RBFOX1: variants seen among roughly 807,000 people sequenced by gnomAD.
The protein encoded by RBFOX1 is RNA binding fox-1 homolog 1.
RBFOX1 carries 8 observed loss-of-function variants against 57.7 expected under a neutral mutation model. That is an observed-to-expected ratio of 0.14 (90% CI 0.08 to 0.25). RBFOX1 has a LOEUF of 0.25. Among genes scored for constraint, RBFOX1 ranks in the 10% least tolerant of loss-of-function variants. The probability of loss-of-function intolerance (pLI) is 1.00; values close to 1 mark genes in which losing one functional copy is unlikely to be tolerated. For synonymous variants in RBFOX1, 326 were observed against 222.4 expected (o/e 1.47, Z -4.15); for missense variants, 611 against 548.5 (o/e 1.11, Z -1.14).
At chr16:6,025,325 C>G (rs2095169277) in intron 1 of RBFOX1, among the ~76,000 whole-genome samples, 1 of 152,182 alleles carries the variant, frequency 6.6e-6, no homozygotes, top group African/African-American at 2.4e-5. Context: ...CTTCGTAGGG[C>G]TTACACTAAA....
At chr16:5,282,881 GT>G (rs1248575370) in intron 1 of RBFOX1, among the ~76,000 whole-genome samples, 2 of 152,228 alleles carry the variant, frequency 1.3e-5, no homozygotes, top group Non-Finnish European at 2.9e-5. Context: ...GAGGAGCCAA[GT>G]GTGAATCCCC....
chr16:7,668,125 G>T (rs751763798), intron 13 of RBFOX1, among the ~76,000 whole-genome samples: 3 of 152,170 alleles, frequency 2.0e-5, no homozygotes, highest in South Asian at 2.1e-4. Context: ...TCAACAGCTT[G>T]CATCTCAGAA....
chr16:7,515,515 T>A (rs2076170739), intron 4 of RBFOX1, among the ~76,000 whole-genome samples: 1 of 152,174 alleles, frequency 6.6e-6, no homozygotes, highest in East Asian at 1.9e-4. Flanking sequence ...ATGGAGATCA[T>A]GTAGAAGTGA....
intron 1 of RBFOX1, among the ~76,000 whole-genome samples, chr16:6,121,595 G>A (rs550593592): frequency 5.9e-5 from 9 of 151,976 alleles, no homozygotes; most frequent in Non-Finnish European, 1.3e-4. Context: ...CTTGTCTAAG[G>A]GAGCATTCCT....
At chr16:6,371,761 C>A (rs1299842885) in intron 2 of RBFOX1, among the ~76,000 whole-genome samples, 1 of 152,132 alleles carries the variant, frequency 6.6e-6, no homozygotes, top group Non-Finnish European at 1.5e-5. Context: ...CATGCACATA[C>A]ACATGTATAT....
At position 6,699,181 on chromosome 16, in the gene RBFOX1, A is replaced by G. The variant is rs112566581; in HGVS notation, c.-16+44531A>G. Among the ~76,000 whole-genome samples, 441 of 152,198 alleles carry G rather than the reference A, an allele frequency of 2.9e-3. 3 individuals are homozygous for G. The highest frequency in any genetic ancestry group is 0.01 in the African/African-American group (421 of 41,524). ...CCCCTGTCATGTCAGTTTTTAAACCATTTTTATCAGTATGCAAGGCAGCAT... is the reference window on the plus strand; with the variant it reads ...CCCCTGTCATGTCAGTTTTTAAACCGTTTTTATCAGTATGCAAGGCAGCAT... On this transcript the variant is annotated intron_variant, in intron 3 of 15. Transcript: ENST00000550418.
At chr16:7,063,157 C>T (rs1043683955) in intron 4 of RBFOX1, among the ~76,000 whole-genome samples, 12 of 151,936 alleles carry the variant, frequency 7.9e-5, no homozygotes, top group East Asian at 3.9e-4. Flanking sequence ...TTAGGGCACA[C>T]GCAGGGCTAG....
At chr16:6,311,295 CA>C (rs71145210) in intron 1 of RBFOX1, among the ~76,000 whole-genome samples, 18,481 of 90,466 alleles carry the variant, frequency 0.2, 1,020 homozygotes, top group South Asian at 0.25. Context: ...GACTCTGTCT[CA>C]AAAAAAAAAA....
At position 5,270,590 on chromosome 16, in the gene RBFOX1, G is replaced by C. The variant is rs2062979935; in HGVS notation, c.219+30485G>C. On this transcript the variant is annotated intron_variant, in intron 1 of 2. Transcript: ENST00000585867. The stretch of plus-strand genomic sequence containing the variant: ...TGGTTACTTCTTTCATCTGTTTTGT[G>C]TTGGTTTTACCAAAAAACGCAACAA... 15 of 585,076 alleles carry C rather than the reference G, an allele frequency of 2.6e-5. 1 individual carries two copies. The highest frequency in any genetic ancestry group is 2.4e-4 in the South Asian group (15 of 63,582). 36.2% of individuals were successfully genotyped at this position (585,076 alleles called of 1,614,324 possible). A position where few individuals can be genotyped will look rare whatever the true frequency, so the allele number is the denominator to read the frequency against.
intron 2 of RBFOX1, among the ~76,000 whole-genome samples, chr16:6,377,793 C>A (rs980987430): frequency 2.0e-5 from 3 of 152,116 alleles, no homozygotes; most frequent in African/African-American, 7.2e-5. Context: ...TAGATAGAGG[C>A]GGTAATGGAG....
chr16:6,379,270 T>C (rs1343845968), intron 2 of RBFOX1, among the ~76,000 whole-genome samples: 1 of 152,132 alleles, frequency 6.6e-6, no homozygotes, highest in Non-Finnish European at 1.5e-5. Context: ...CTCAAAACCA[T>C]GACAGTGAAA....
chr16:6,367,748 T>TAAAAA (rs566126562), intron 2 of RBFOX1, among the ~76,000 whole-genome samples: 134 of 143,736 alleles, frequency 9.3e-4, no homozygotes, highest in Non-Finnish European at 1.3e-3. Context: ...TTGCAATTGT[T>TAAAAA]AAAAAAAAAA....
At chr16:6,390,493 G>A (rs1039857331) in intron 2 of RBFOX1, among the ~76,000 whole-genome samples, 4 of 151,422 alleles carry the variant, frequency 2.6e-5, no homozygotes, top group African/African-American at 2.4e-5. Flanking sequence ...GAATAAAATA[G>A]AGAACAAAAA....
intron 3 of RBFOX1, among the ~76,000 whole-genome samples, chr16:5,788,588 C>G (rs1034207329): frequency 6.6e-6 from 1 of 152,164 alleles, no homozygotes; most frequent in African/African-American, 2.4e-5. Context: ...GGGATCGTGC[C>G]ACTGCACTCC....
At chr16:5,758,599 C>T in intron 3 of RBFOX1, among the ~76,000 whole-genome samples, 1 of 152,120 alleles carries the variant, frequency 6.6e-6, no homozygotes, top group Non-Finnish European at 1.5e-5. Context: ...GTAGTGTCTC[C>T]ATGGAAACTG....
At chr16:7,606,329 G>A (rs2095285192) in intron 9 of RBFOX1, among the ~76,000 whole-genome samples, 1 of 151,734 alleles carries the variant, frequency 6.6e-6, no homozygotes. Context: ...CACTATGTTG[G>A]CCAGGCTGGT....
At chr16:7,692,889 AT>A (rs35856288) in intron 14 of RBFOX1, among the ~76,000 whole-genome samples, 41 of 150,540 alleles carry the variant, frequency 2.7e-4, no homozygotes, top group Admixed American at 8.0e-4. Context: ...ACTTTTTCTT[AT>A]TTTTTTTTGA....
Position 6,920,116 on chromosome 16 carries a change from G to A in RBFOX1, c.-15-131941G>A, listed in dbSNP as rs184278612. ...AAGTTGCTGCATAGGCCATTATTTT[G>A]TTCCATTTTATGGCTGAGTCATATT... On this transcript the variant is annotated intron_variant, in intron 3 of 15. Coordinates refer to ENST00000550418, the MANE Select transcript of RBFOX1 (RefSeq NM_018723.4). Among the ~76,000 whole-genome samples the A allele has an allele frequency of 2.6e-5, 4 of 152,214 alleles. No homozygotes were observed. The East Asian group carries it at 5.8e-4, about 22-fold the overall frequency.
At chr16:6,933,254 C>G (rs371840238) in intron 3 of RBFOX1, among the ~76,000 whole-genome samples, 14 of 152,294 alleles carry the variant, frequency 9.2e-5, no homozygotes, top group African/African-American at 3.4e-4. Flanking sequence ...GGGTGTATAG[C>G]TGCAAGTGAA....
Sources: gnomAD v4.1 joint callset for allele counts (sites outside exome capture counted in the v4.1 genomes callset) on GRCh38, gnomAD v4.1.1 for gene constraint, MANE v1.5 for transcripts, NCBI Gene and HGNC (gene_info 2026-07-23, HGNC 2026-07-21) for gene names.